The following DSG2 variants were observed in gnomAD, a reference collection of about 807,000 sequenced individuals.
The protein encoded by DSG2 is desmoglein 2.
A neutral mutation model predicts 75.6 loss-of-function variants in DSG2; 45 were observed. That is an observed-to-expected ratio of 0.60 (90% confidence interval 0.47 to 0.76). The LOEUF (loss-of-function observed/expected upper bound fraction) is 0.76. Among genes scored for constraint, DSG2 ranks in the 30% least tolerant of loss-of-function variants. The pLI is 0.00. For synonymous variants in DSG2, 429 were observed against 483.9 expected, an observed-to-expected ratio of 0.89 and a Z score of 1.49; for missense variants, 1,267 against 1,357.4, an observed-to-expected ratio of 0.93 and a Z score of 1.05.
intron 6 of DSG2, among the ~76,000 whole-genome samples, chr18:31,522,927 CTTTA>C (rs2073137619): frequency 6.6e-6 from 1 of 152,130 alleles, no homozygotes. Flanking sequence ...GAACATTTCA[CTTTA>C]TTATTTCTAA....
intron 1 of DSG2, among the ~76,000 whole-genome samples, chr18:31,512,668 C>T (rs866260856): frequency 6.6e-6 from 1 of 152,242 alleles, no homozygotes. Context: ...CACTGATTCA[C>T]CACCGCATGG....
At chr18:31,529,840 T>C (rs1172105072) in intron 8 of DSG2, among the ~76,000 whole-genome samples, 2 of 152,186 alleles carry the variant, frequency 1.3e-5, no homozygotes, top group Non-Finnish European at 1.5e-5. Context: ...CTTTTAGTAA[T>C]AGGATATAGG....
intron 12 of DSG2, among the ~76,000 whole-genome samples, 178 bp from the exon 13 acceptor site, chr18:31,541,015 A>G (rs1034872210): frequency 2.0e-5 from 3 of 152,254 alleles, no homozygotes; most frequent in African/African-American, 7.2e-5. Flanking sequence ...CGGGTTTTGG[A>G]GTAATTCACC....
chr18:31,524,958 C>T, intron 8 of DSG2, 70 bp downstream of exon 8: 2 of 1,430,312 alleles, frequency 1.4e-6, no homozygotes, highest in East Asian at 2.3e-5. Context: ...ATATTTTGAG[C>T]CCTGAACACT....
intron 9 of DSG2, among the ~76,000 whole-genome samples, chr18:31,532,693 T>A (rs1322360012): frequency 1.3e-5 from 2 of 152,198 alleles, no homozygotes; most frequent in Non-Finnish European, 2.9e-5. Flanking sequence ...AGTTATGTGG[T>A]CTAGTTGGTC....
chr18:31,526,935 T>A (rs62095196), intron 8 of DSG2, among the ~76,000 whole-genome samples: 34,904 of 152,118 alleles, frequency 0.23, 4,361 homozygotes, highest in East Asian at 0.3. Context: ...AAGCCTAATT[T>A]ATTATTGGAG....
At chr18:31,498,389 T>G (rs938744250) in intron 1 of DSG2, 93 bp downstream of exon 1, 1 of 1,211,982 alleles carries the variant, frequency 8.3e-7, no homozygotes, top group Non-Finnish European at 1.0e-6. Flanking sequence ...CCGCCGCCCT[T>G]GTGCGCGTTA....
chr18:31,540,395 T>A (rs983546616), intron 12 of DSG2, among the ~76,000 whole-genome samples: 5 of 152,246 alleles, frequency 3.3e-5, no homozygotes, highest in African/African-American at 9.6e-5. Context: ...ACCAAGTTTG[T>A]AGGTAGGTAC....
chr18:31,503,958 G>A (rs1323951109), intron 1 of DSG2, among the ~76,000 whole-genome samples: 2 of 152,194 alleles, frequency 1.3e-5, no homozygotes, highest in African/African-American at 4.8e-5. Context: ...AATGCTTATA[G>A]CACCCACATT....
At position 31,546,458 on chromosome 18, in the gene DSG2, C is replaced by G. The variant is rs1487170663; in HGVS notation, c.3072C>G (p.Ala1024=). Residue 1024 remains alanine (A), a synonymous_variant, in exon 15 of 15, where the codon GCC becomes GCG. Transcript: ENST00000261590. The part of the protein sequence containing the change: ...VMVRERESFL[A]PSSGVQPTLA... ...TGAGGGAAAGAGAGAGCTTCCTTGC[C>G]CCCAGCTCAGGTGTGCAGCCTACTC... 1 of 1,614,078 alleles carries G rather than the reference C, an allele frequency of 6.2e-7. No homozygotes were observed. Among genetic ancestry groups the G allele is most frequent in the South Asian group, 1.1e-5 (1 of 91,076 alleles).
rs2073285724 is a variant in DSG2, at chr18:31,543,784, T to C, written c.2334+932T>C. 3.3e-5 allele frequency among the ~76,000 whole-genome samples: 5 copies of C among 151,582 alleles called. No individual in the cohort carries two copies. The South Asian group carries it at 1.0e-3, about 32-fold the overall frequency. On this transcript the variant is annotated intron_variant, in intron 14 of 14. Coordinates refer to ENST00000261590, the MANE Select transcript of DSG2 (RefSeq NM_001943.5). ...AGAAGGCTGAGGTAGGGGGATCACT[T>C]GAGCCTGGAAAGCCAAGGATGCAGT...
Position 31,535,399 on chromosome 18 carries a change from G to A in DSG2, c.1410G>A (p.Val470=), listed in dbSNP as rs1036402724. The A allele has an allele frequency of 1.2e-6, 2 of 1,610,668 alleles. No individual in the cohort carries two copies. The highest frequency in any genetic ancestry group is 1.7e-6 in the Non-Finnish European group (2 of 1,177,612). The change falls in exon 10 of 15, where the codon GTG becomes GTA. Residue 470 remains valine (V), a synonymous_variant. Coordinates refer to ENST00000261590, the MANE Select transcript of DSG2 (RefSeq NM_001943.5). ...ATGGCACATACACTGTAAAGATTGT[G>A]GCCATATCAGAAGGTAAGTTATTAA... ...VQNGTYTVKI[V]AISEDYPRKT... is the part of the protein sequence containing the mutation.
chr18:31,506,706 G>T (rs2073040661), intron 1 of DSG2, among the ~76,000 whole-genome samples: 1 of 152,178 alleles, frequency 6.6e-6, no homozygotes. Context: ...ATCAAATTTT[G>T]TGAAGTCTGT....
At chr18:31,509,278 A>C (rs1647109480) in intron 1 of DSG2, among the ~76,000 whole-genome samples, 1 of 152,218 alleles carries the variant, frequency 6.6e-6, no homozygotes, top group South Asian at 2.1e-4. Flanking sequence ...CTCACCTAAA[A>C]TCATATTTGT....
chr18:31,542,967 TTTTTTTC>T (rs1328768959), intron 14 of DSG2, 115 bp downstream of exon 14: 1 of 983,684 alleles, frequency 1.0e-6, no homozygotes, highest in African/African-American at 1.6e-5. Flanking sequence ...GGGTTTTTTT[TTTTTTTC>T]TTTTTTCAGG....
At chr18:31,520,772 A>G in intron 3 of DSG2, 31 bp from the exon 4 acceptor site, 2 of 1,610,522 alleles carry the variant, frequency 1.2e-6, no homozygotes, top group Non-Finnish European at 1.7e-6. Flanking sequence ...AGAGAGTTCA[A>G]CCTGAAACAT....
At chr18:31,531,405 A>G (rs1016354003) in intron 9 of DSG2, among the ~76,000 whole-genome samples, 153 bp downstream of exon 9, 1 of 152,232 alleles carries the variant, frequency 6.6e-6, no homozygotes, top group Non-Finnish European at 1.5e-5. Flanking sequence ...AGATGTGTCT[A>G]TAACTGAGAG....
chr18:31,515,291 G>C (rs938614030), intron 1 of DSG2, among the ~76,000 whole-genome samples: 1 of 152,056 alleles, frequency 6.6e-6, no homozygotes, highest in Non-Finnish European at 1.5e-5. Context: ...ATTTTTAGTA[G>C]AGACAGGGTT....
At position 31,546,284 on chromosome 18, in the gene DSG2, G is replaced by A. The variant is rs746543384; in HGVS notation, c.2898G>A (p.Arg966=). The change falls in exon 15 of 15, where the codon AGG becomes AGA. Residue 966 remains arginine, a synonymous_variant. Transcript: ENST00000261590. The part of the protein sequence containing the change: ...SQPQSLIVTE[R]VYAPASTLVD... ...CACAGAGCCTTATTGTGACAGAGAG[G>A]GTGTATGCTCCAGCTTCTACCTTGG... 2 of 1,602,050 alleles carry A rather than the reference G, an allele frequency of 1.2e-6. No homozygotes were observed. Among genetic ancestry groups the A allele is most frequent in the Middle Eastern group, 1.7e-4 (1 of 5,974 alleles).
Sources: gnomAD v4.1 joint callset for allele counts (sites outside exome capture counted in the v4.1 genomes callset) on GRCh38, gnomAD v4.1.1 for gene constraint, MANE v1.5 for transcripts, NCBI Gene and HGNC (gene_info 2026-07-23, HGNC 2026-07-21) for gene names.